Variants in ATP2B3 observed in about 807,000 individuals in gnomAD.
ATP2B3 encodes the protein plasma membrane calcium-transporting ATPase 3.
ATP2B3 carries 12 observed loss-of-function variants against 70.8 expected under a neutral mutation model. The ratio of observed to expected loss-of-function variants is 0.17; its 90% CI spans 0.11 to 0.27. The LOEUF (loss-of-function observed/expected upper bound fraction) is 0.27. ATP2B3 is among the 10% of genes least tolerant of loss of function. The probability of loss-of-function intolerance (pLI) is 1.00; values close to 1 mark genes in which losing one functional copy is unlikely to be tolerated. For missense variants in ATP2B3, 858 were observed against 1,118.5 expected (o/e 0.77, Z 3.32); for synonymous variants, 460 against 497.8 (o/e 0.92, Z 1.01).
At chrX:153,542,055 G>A in intron 5 of ATP2B3, 129 bp downstream of exon 5, 1 of 643,015 alleles carries the variant, frequency 1.6e-6, no homozygotes, top group Non-Finnish European at 2.0e-6. Flanking sequence ...GCCTTAGGAG[G>A]CGGGAGGTGG....
rs979287910 is a variant in ATP2B3 at position 153,525,942 on chromosome X, C to T, written c.-127+7391C>T. On this transcript the variant is annotated intron_variant, in intron 2 of 21. Coordinates refer to ENST00000263519, the MANE Select transcript of ATP2B3 (RefSeq NM_001001344.3). ...CCCCAGACGCCTGCCCTGGTAGCCCCTAGGGAGGCACTCGTGGCTGTGTCT... is the reference window on the plus strand; with the variant it reads ...CCCCAGACGCCTGCCCTGGTAGCCCTTAGGGAGGCACTCGTGGCTGTGTCT... 2.6e-5 allele frequency among the ~76,000 whole-genome samples: 3 copies of T among 113,244 alleles called. No individual in the cohort carries two copies. In the Admixed American group the frequency reaches 2.8e-4, roughly 10 times the overall value.
chrX:153,518,844 G>C (rs1425311896), intron 2 of ATP2B3, among the ~76,000 whole-genome samples: 1 of 112,124 alleles, frequency 8.9e-6, no homozygotes, highest in Non-Finnish European at 1.9e-5. Context: ...TCCTGGCGAG[G>C]TCATATAACT....
intron 21 of ATP2B3, among the ~76,000 whole-genome samples, chrX:153,567,845 A>T (rs964958123): frequency 1.8e-5 from 2 of 111,902 alleles, no homozygotes; most frequent in East Asian, 5.7e-4. Flanking sequence ...GTCACATCCA[A>T]CTCACCATGT....
intron 21 of ATP2B3, among the ~76,000 whole-genome samples, chrX:153,575,496 G>C (rs782534955): frequency 1.8e-5 from 2 of 112,331 alleles, no homozygotes; most frequent in Non-Finnish European, 3.8e-5. Flanking sequence ...AGAAAGACTG[G>C]GGCCGGCTCC....
chrX:153,527,892 C>T (rs146164098), intron 2 of ATP2B3, among the ~76,000 whole-genome samples: 2 of 112,771 alleles, frequency 1.8e-5, no homozygotes, highest in South Asian at 3.7e-4. Context: ...TTGCCCTGCT[C>T]GGCTTCCTGG....
At chrX:153,545,075 C>T (rs2090344105) in intron 7 of ATP2B3, among the ~76,000 whole-genome samples, 1 of 94,453 alleles carries the variant, frequency 1.1e-5, no homozygotes, top group Non-Finnish European at 2.2e-5. Flanking sequence ...AATGCCCCAC[C>T]CCTGGCTGAG....
At chrX:153,550,651 A>G (rs1386201520) in intron 12 of ATP2B3, among the ~76,000 whole-genome samples, 1 of 111,547 alleles carries the variant, frequency 9.0e-6, no homozygotes, top group African/African-American at 3.3e-5. Flanking sequence ...TCCCTCAGAT[A>G]TTAGACCTTC....
chrX:153,552,333 T>C (rs146030279), intron 12 of ATP2B3, among the ~76,000 whole-genome samples: 2 of 112,091 alleles, frequency 1.8e-5, no homozygotes, highest in African/African-American at 6.5e-5. Flanking sequence ...GCTTCTGTTA[T>C]GATCATTTCC....
intron 2 of ATP2B3, among the ~76,000 whole-genome samples, chrX:153,524,920 C>T (rs1002265294): frequency 6.3e-5 from 7 of 111,980 alleles, no homozygotes; most frequent in Non-Finnish European, 1.3e-4. Flanking sequence ...CTCAGAGTTC[C>T]GAAGCCGCAG....
At position 153,580,367 on chromosome X, in the gene ATP2B3, C is replaced by T. The variant is rs782820618; in HGVS notation, c.*69C>T. 1.7e-4 allele frequency: 171 copies of T among 1,011,327 alleles called. 1 individual carries two copies. Among genetic ancestry groups the T allele is most frequent in the Admixed American group, 1.0e-3 (40 of 39,814 alleles). The allele number at this position is 1,011,327 out of a possible 1,213,427, so 83.3% of individuals were successfully genotyped here. ...ACACGAAGTCACACGCACACATGCACGCACACACACATATGGGGACCTGCA... is the reference window on the plus strand; with the variant it reads ...ACACGAAGTCACACGCACACATGCATGCACACACACATATGGGGACCTGCA... On this transcript the variant is annotated 3_prime_UTR_variant, in exon 22 of 22. Transcript: ENST00000263519.
chrX:153,538,243 G>A (rs2090223620), intron 3 of ATP2B3, among the ~76,000 whole-genome samples: 1 of 113,170 alleles, frequency 8.8e-6, no homozygotes, highest in African/African-American at 3.2e-5. Context: ...CTGAGCCACG[G>A]GGGCAGCTGG....
chrX:153,544,438 A>G (rs782776306), intron 7 of ATP2B3, among the ~76,000 whole-genome samples: 2 of 111,706 alleles, frequency 1.8e-5, no homozygotes, highest in East Asian at 5.7e-4. Flanking sequence ...TTAAATTGAC[A>G]AGACCATTCA....
At chrX:153,556,659 AC>A (rs1603091169) in intron 15 of ATP2B3, among the ~76,000 whole-genome samples, 1 of 112,004 alleles carries the variant, frequency 8.9e-6, no homozygotes, top group Admixed American at 9.4e-5. Context: ...AGAGCCAGGG[AC>A]CCAGGATTGT....
chrX:153,554,662 G>A (rs782654413), intron 13 of ATP2B3, among the ~76,000 whole-genome samples: 21 of 112,971 alleles, frequency 1.9e-4, no homozygotes, highest in Admixed American at 1.8e-3. Context: ...TTGGAGATGC[G>A]GCACGGCTGC....
chrX:153,571,137 A>G (rs782510123), intron 21 of ATP2B3, among the ~76,000 whole-genome samples: 2 of 112,174 alleles, frequency 1.8e-5, no homozygotes, highest in South Asian at 7.4e-4. Context: ...ACACCGTGGC[A>G]GTTGGGCTGA....
intron 8 of ATP2B3, 95 bp downstream of exon 8, chrX:153,546,224 T>A: frequency 9.6e-7 from 1 of 1,043,409 alleles, no homozygotes; most frequent in Non-Finnish European, 1.3e-6. Context: ...CCTGCCTCGG[T>A]GGCAGGAGCA....
chrX:153,574,809 T>C, intron 21 of ATP2B3: 1 of 330,706 alleles, frequency 3.0e-6, no homozygotes, highest in Non-Finnish European at 5.9e-6. Flanking sequence ...GCACCTCCAC[T>C]CCAGCTGGCC....
At chrX:153,563,136 CTTTTTT>C (rs36131654) in intron 20 of ATP2B3, among the ~76,000 whole-genome samples, 56 of 48,812 alleles carry the variant, frequency 1.1e-3, no homozygotes, top group African/African-American at 4.7e-3. Context: ...CTGGCTTTTC[CTTTTTT>C]TTTTTTTTTT....
chrX:153,553,369 C>A, intron 13 of ATP2B3, 100 bp downstream of exon 13: 1 of 715,438 alleles, frequency 1.4e-6, no homozygotes, highest in Non-Finnish European at 2.1e-6. Flanking sequence ...ACAGCTGCTG[C>A]GGTCCCTCCG....
Sources: allele counts gnomAD v4.1 joint callset (sites outside exome capture counted in the v4.1 genomes callset), GRCh38; gene constraint gnomAD v4.1.1; transcripts MANE v1.5; gene names NCBI Gene and HGNC (gene_info 2026-07-23, HGNC 2026-07-21).